The following ELOVL5 variants were observed in gnomAD, a reference collection of about 807,000 sequenced individuals.
ELOVL5 encodes the protein very long chain fatty acid elongase 5.
ELOVL5 carries 8 observed loss-of-function variants against 38.6 expected under a neutral mutation model. That is an observed-to-expected ratio of 0.21 (90% CI 0.12 to 0.37). The LOEUF (loss-of-function observed/expected upper bound fraction) is 0.37. Among genes scored for constraint, ELOVL5 ranks in the 10% least tolerant of loss-of-function variants. The pLI is 1.00. For synonymous variants in ELOVL5, 127 were observed against 133.7 expected (o/e 0.95, Z 0.34); for missense variants, 280 against 367.8 (o/e 0.76, Z 1.95).
At chr6:53,314,563 G>A (rs6932210) in intron 1 of ELOVL5, among the ~76,000 whole-genome samples, 3 of 152,168 alleles carry the variant, frequency 2.0e-5, no homozygotes, top group East Asian at 3.8e-4. Flanking sequence ...AGCACCAAAT[G>A]TGTAAGGCAC....
intron 2 of ELOVL5, among the ~76,000 whole-genome samples, chr6:53,293,858 G>A (rs1766870224): frequency 6.6e-6 from 1 of 152,144 alleles, no homozygotes. Flanking sequence ...TTATGCTATG[G>A]TCACGGAGGG....
At position 53,312,572 on chromosome 6, in the gene ELOVL5, A is replaced by G. The variant is rs565256505; in HGVS notation, c.-8-16865T>C. On this transcript the variant is annotated intron_variant, in intron 1 of 7. Transcript: ENST00000304434. ...ATGAAGGCCACATGTGCTGATAGCAATGTTGTGTATCTGGACCGTACTAAT... is the reference window on the plus strand; with the variant it reads ...ATGAAGGCCACATGTGCTGATAGCAGTGTTGTGTATCTGGACCGTACTAAT... Among the ~76,000 whole-genome samples, 4 of 152,306 alleles carry G rather than the reference A, an allele frequency of 2.6e-5. No homozygotes were observed. In the South Asian group the frequency reaches 6.2e-4, roughly 24 times the overall value.
chr6:53,333,779 C>G (rs142654824), intron 1 of ELOVL5, among the ~76,000 whole-genome samples: 2 of 152,240 alleles, frequency 1.3e-5, no homozygotes, highest in East Asian at 3.9e-4. Context: ...GAAGTCATTA[C>G]TCTATTAGTC....
At chr6:53,269,765 C>G (rs1765856754) in intron 7 of ELOVL5, among the ~76,000 whole-genome samples, 1 of 152,226 alleles carries the variant, frequency 6.6e-6, no homozygotes, top group Non-Finnish European at 1.5e-5. Flanking sequence ...GGGTCCTATC[C>G]TTTCACCTTC....
At chr6:53,341,894 G>T (rs916674706) in intron 1 of ELOVL5, among the ~76,000 whole-genome samples, 2 of 152,148 alleles carry the variant, frequency 1.3e-5, no homozygotes, top group African/African-American at 4.8e-5. Context: ...GTAGGCACAG[G>T]ATTATCACCT....
At chr6:53,347,487 G>A (rs572041600) in intron 1 of ELOVL5, among the ~76,000 whole-genome samples, 29 of 152,312 alleles carry the variant, frequency 1.9e-4, no homozygotes, top group African/African-American at 6.7e-4. Context: ...GCTGAGACGT[G>A]CAAGCAAAAC....
intron 1 of ELOVL5, among the ~76,000 whole-genome samples, chr6:53,329,081 G>A (rs772735242): frequency 1.3e-5 from 2 of 152,154 alleles, no homozygotes; most frequent in African/African-American, 2.4e-5. Context: ...TTAGGCAGAA[G>A]GAAACAGGAG....
At chr6:53,301,999 C>G (rs954056044) in intron 1 of ELOVL5, among the ~76,000 whole-genome samples, 4 of 152,304 alleles carry the variant, frequency 2.6e-5, no homozygotes, top group African/African-American at 9.6e-5. Context: ...CCCCCACCAC[C>G]ATGGATCAGT....
intron 1 of ELOVL5, among the ~76,000 whole-genome samples, chr6:53,336,110 TATA>T (rs746963782): frequency 4.6e-5 from 7 of 152,236 alleles, no homozygotes; most frequent in Non-Finnish European, 1.0e-4. Context: ...ATACCCGTAG[TATA>T]ATAATAAACT....
At chr6:53,270,772 A>T (rs757916311) in intron 6 of ELOVL5, 45 bp from the exon 7 acceptor site, 1 of 1,605,658 alleles carries the variant, frequency 6.2e-7, no homozygotes, top group East Asian at 2.2e-5. Flanking sequence ...CAGTGCATGG[A>T]CGAGGCCCCA....
At chr6:53,339,519 T>A (rs1350635322) in intron 1 of ELOVL5, among the ~76,000 whole-genome samples, 1 of 152,196 alleles carries the variant, frequency 6.6e-6, no homozygotes, top group East Asian at 1.9e-4. Flanking sequence ...TTTCAAAATA[T>A]AGTCACGCAT....
chr6:53,317,622 C>T (rs529282311), intron 1 of ELOVL5, among the ~76,000 whole-genome samples: 81 of 151,374 alleles, frequency 5.4e-4, no homozygotes, highest in African/African-American at 7.3e-4. Flanking sequence ...GGAAGGGGAG[C>T]GTCACACCAC....
chr6:53,278,093 T>G (rs189887726), intron 3 of ELOVL5, among the ~76,000 whole-genome samples: 187 of 152,380 alleles, frequency 1.2e-3, no homozygotes, highest in African/African-American at 4.2e-3. Flanking sequence ...TACTAACATA[T>G]GACTGTCTTC....
chr6:53,320,130 C>T (rs989429157), intron 1 of ELOVL5, among the ~76,000 whole-genome samples: 10 of 151,944 alleles, frequency 6.6e-5, no homozygotes, highest in African/African-American at 2.2e-4. Context: ...GCCTGGCCAA[C>T]GTGGCAAAAC....
chr6:53,299,984 C>CCTGCTTATTGTTT (rs1180399656), intron 1 of ELOVL5, among the ~76,000 whole-genome samples: 1 of 151,988 alleles, frequency 6.6e-6, no homozygotes, highest in Non-Finnish European at 1.5e-5. Context: ...AATTATTGTT[C>CCTGCTTATTGTTT]CTGCTTATTG....
chr6:53,288,682 A>C (rs1208966682), intron 3 of ELOVL5, among the ~76,000 whole-genome samples: 2 of 152,196 alleles, frequency 1.3e-5, no homozygotes, highest in African/African-American at 4.8e-5. Flanking sequence ...CACAGTTTTA[A>C]AACTGGGATT....
chr6:53,318,222 A>T (rs1420727466), intron 1 of ELOVL5, among the ~76,000 whole-genome samples: 1 of 152,224 alleles, frequency 6.6e-6, no homozygotes, highest in Non-Finnish European at 1.5e-5. Flanking sequence ...TAGAGAAAAA[A>T]TATCTGTCTC....
chr6:53,294,259 T>A (rs1476656041), intron 2 of ELOVL5: 10 of 1,545,874 alleles, frequency 6.5e-6, no homozygotes, highest in Non-Finnish European at 7.9e-6. Flanking sequence ...TCTGTGGTGG[T>A]CCTAACCCCC....
At chr6:53,274,947 AAACTATCATTAAAAGC>A in intron 5 of ELOVL5, 127 bp downstream of exon 5, 1 of 781,898 alleles carries the variant, frequency 1.3e-6, no homozygotes, top group African/African-American at 1.8e-5. Flanking sequence ...ATAGGTACAT[AAACTATCATTAAAAGC>A]AACTTGAACA....
Sources: gnomAD v4.1 joint callset for allele counts (sites outside exome capture counted in the v4.1 genomes callset) on GRCh38, gnomAD v4.1.1 for gene constraint, MANE v1.5 for transcripts, NCBI Gene and HGNC (gene_info 2026-07-23, HGNC 2026-07-21) for gene names.